SLC25A53: variants seen among roughly 807,000 people sequenced by gnomAD.
SLC25A53 encodes the protein solute carrier family 25 member 53.
Under a neutral mutation model 15.0 loss-of-function variants are expected in SLC25A53, and 5 were observed. The ratio of observed to expected loss-of-function variants is 0.33; its 90% CI spans 0.17 to 0.70. SLC25A53 has a LOEUF of 0.70. Ranked by LOEUF, SLC25A53 falls within the 30% of genes least tolerant of loss-of-function variation. SLC25A53 has a pLI of 0.67. For missense variants in SLC25A53, 216 were observed against 241.6 expected (o/e 0.89, Z 0.70); for synonymous variants, 95 against 100.0 (o/e 0.95, Z 0.30).
Position 104,104,603 on chromosome X carries a change from TACCAGACACC to T in SLC25A53, c.645_654del (p.Gly218MetfsTer7). On this transcript the variant is annotated frameshift_variant, in exon 2 of 2. Coordinates refer to ENST00000594199, the MANE Select transcript of SLC25A53 (RefSeq NM_001012755.5). LOFTEE classifies it high-confidence loss of function. ...AGGCAGGTGATTGTTCCATTGACAC[TACCAGACACC>T]AAGGCAGGAACCCAGTGGGGCAGGC... 1 of 1,211,657 alleles carries T rather than the reference TACCAGACACC, an allele frequency of 8.3e-7. No individual in the cohort carries two copies. Among genetic ancestry groups the T allele is most frequent in the Non-Finnish European group, 1.1e-6 (1 of 895,454 alleles).
At chrX:104,116,321 G>A (rs1320648151) in intron 1 of SLC25A53, among the ~76,000 whole-genome samples, 1 of 111,226 alleles carries the variant, frequency 9.0e-6, no homozygotes, top group African/African-American at 3.3e-5. Flanking sequence ...AACTGGCAAG[G>A]AGCAGGGGGG....
chrX:104,143,840 C>A (rs2075458085), intron 1 of SLC25A53, among the ~76,000 whole-genome samples: 1 of 111,361 alleles, frequency 9.0e-6, no homozygotes, highest in African/African-American at 3.3e-5. Flanking sequence ...ATGTTAAGGG[C>A]AGCCAGAGAG....
chrX:104,131,104 G>A (rs936386662), intron 1 of SLC25A53: 14 of 111,424 alleles, frequency 1.3e-4, no homozygotes, highest in African/African-American at 4.6e-4. Flanking sequence ...TATGTGTGGC[G>A]CATTGGTGGG....
intron 1 of SLC25A53, chrX:104,114,420 G>A (rs782340726): frequency 1.1e-4 from 131 of 1,210,033 alleles, no homozygotes; most frequent in Non-Finnish European, 1.4e-4. Context: ...TGCTTCAGGC[G>A]GCCAACCCCA....
At chrX:104,119,772 C>G (rs1299400767) in intron 1 of SLC25A53, among the ~76,000 whole-genome samples, 1 of 111,608 alleles carries the variant, frequency 9.0e-6, no homozygotes, top group African/African-American at 3.3e-5. Flanking sequence ...CCATAAAGAT[C>G]AAGAAACAGA....
intron 1 of SLC25A53, among the ~76,000 whole-genome samples, chrX:104,106,141 T>A (rs1191070871): frequency 9.0e-6 from 1 of 110,886 alleles, no homozygotes; most frequent in Non-Finnish European, 1.9e-5. Flanking sequence ...AAATGTCCCC[T>A]GGGAGGCAAA....
At chrX:104,121,908 T>C (rs1477302973) in intron 1 of SLC25A53, among the ~76,000 whole-genome samples, 5 of 33,543 alleles carry the variant, frequency 1.5e-4, no homozygotes, top group Non-Finnish European at 3.0e-4. Flanking sequence ...TATATATATA[T>C]ATATATATAT....
intron 1 of SLC25A53, among the ~76,000 whole-genome samples, chrX:104,143,617 C>T (rs989823855): frequency 8.9e-5 from 10 of 111,892 alleles, no homozygotes; most frequent in Non-Finnish European, 1.5e-4. Context: ...AAGACCAAAT[C>T]TACGTTTGAT....
chrX:104,153,138 T>G (rs995268284), intron 1 of SLC25A53, among the ~76,000 whole-genome samples: 1 of 111,251 alleles, frequency 9.0e-6, no homozygotes, highest in African/African-American at 3.3e-5. Flanking sequence ...ATAAAATGAT[T>G]TCAGTCACAC....
In SLC25A53 at chrX:104,129,860, ATGTGTGTGTGTGTGTGTGTGTGTG is replaced by A. The variant is rs60729916; in HGVS notation, c.-31-24596_-31-24573del. On this transcript the variant is annotated intron_variant, in intron 1 of 1. Coordinates refer to ENST00000594199, the MANE Select transcript of SLC25A53 (RefSeq NM_001012755.5). Reference sequence around the variant, plus strand: ...AACACATATATATCCACACAAATGTATGTGTGTGTGTGTGTGTGTGTGTGTGTGTGTGTGTGCCATTCAAATGAT... The same window carrying A: ...AACACATATATATCCACACAAATGTATGTGTGTGTGTGCCATTCAAATGAT... Among the ~76,000 whole-genome samples the A allele has an allele frequency of 1.1e-4, 10 of 89,994 alleles. No individual in the cohort carries two copies. In the Admixed American group the frequency reaches 1.3e-3, roughly 12 times the overall value. The allele number at this position is 89,994 out of a possible 115,157, so 78.1% of individuals were successfully genotyped here.
Position 104,135,352 on chromosome X carries a change from C to A in SLC25A53, c.-32+21526G>T, listed in dbSNP as rs180749455. 2.6e-3 allele frequency among the ~76,000 whole-genome samples: 287 copies of A among 109,537 alleles called. 1 individual carries two copies. The highest frequency in any genetic ancestry group is 9.2e-3 in the African/African-American group (276 of 30,027). On this transcript the variant is annotated intron_variant, in intron 1 of 1. Coordinates refer to ENST00000594199, the MANE Select transcript of SLC25A53 (RefSeq NM_001012755.5). The stretch of plus-strand genomic sequence containing the variant: ...TTTCCTGAGTTTTGGTTTCACACAT[C>A]CTGATATATCACACCCCCTGAATAG...
Position 104,120,417 on chromosome X carries a change from C to G in SLC25A53, c.-31-15129G>C, listed in dbSNP as rs782445498. ...CATAACTTTTGCTTGAGGTTTTGTA[C>G]GTCTATTATTACATTTAGTTCAAGG... On this transcript the variant is annotated intron_variant, in intron 1 of 1. Coordinates refer to ENST00000594199, the MANE Select transcript of SLC25A53 (RefSeq NM_001012755.5). 2.7e-5 allele frequency among the ~76,000 whole-genome samples: 3 copies of G among 111,874 alleles called. No individual in the cohort carries two copies. In the Admixed American group the frequency reaches 2.8e-4, roughly 11 times the overall value.
intron 1 of SLC25A53, chrX:104,115,345 G>A: frequency 1.8e-6 from 2 of 1,133,336 alleles, no homozygotes; most frequent in Non-Finnish European, 2.3e-6. Flanking sequence ...AGCCCTAAAT[G>A]AGTCCTTGAC....
chrX:104,142,418 G>A (rs2075453274), intron 1 of SLC25A53, among the ~76,000 whole-genome samples: 1 of 112,009 alleles, frequency 8.9e-6, no homozygotes, highest in Non-Finnish European at 1.9e-5. Context: ...CGTCTTCACA[G>A]TTTCAACACT....
At chrX:104,139,798 G>C (rs1235900662) in intron 1 of SLC25A53, among the ~76,000 whole-genome samples, 1 of 112,344 alleles carries the variant, frequency 8.9e-6, no homozygotes, top group African/African-American at 3.2e-5. Context: ...TGGCGACAGA[G>C]CAAGACTCTG....
intron 1 of SLC25A53, among the ~76,000 whole-genome samples, chrX:104,147,314 A>C (rs2075470786): frequency 9.0e-6 from 1 of 111,419 alleles, no homozygotes; most frequent in South Asian, 3.8e-4. Flanking sequence ...AAGATGGATT[A>C]AAGACTTAAA....
At chrX:104,126,817 C>T (rs1273660440) in intron 1 of SLC25A53, among the ~76,000 whole-genome samples, 1 of 112,039 alleles carries the variant, frequency 8.9e-6, no homozygotes, top group Non-Finnish European at 1.9e-5. Flanking sequence ...TATCATTGTA[C>T]ACCTATAAGA....
intron 1 of SLC25A53, among the ~76,000 whole-genome samples, chrX:104,108,846 A>G (rs1466891337): frequency 1.2e-4 from 13 of 112,030 alleles, no homozygotes; most frequent in Non-Finnish European, 2.3e-4. Flanking sequence ...TGTATTGATC[A>G]TCCACTAAAT....
chrX:104,148,134 A>T lies in SLC25A53; in HGVS notation c.-32+8744T>A, dbSNP rs1324967442. Among the ~76,000 whole-genome samples the T allele has an allele frequency of 5.5e-5, 6 of 109,885 alleles. No individual in the cohort carries two copies. The Admixed American group carries it at 5.8e-4, about 11-fold the overall frequency. ...TACTATGCAGCCATAAAAAATGATG[A>T]GTTCATGTCCTTTGTAGGGACATGG... is the stretch of plus-strand genomic sequence containing the variant. On this transcript the variant is annotated intron_variant, in intron 1 of 1. Coordinates refer to ENST00000594199, the MANE Select transcript of SLC25A53 (RefSeq NM_001012755.5).
Sources: gnomAD v4.1 joint callset for allele counts (sites outside exome capture counted in the v4.1 genomes callset) on GRCh38, gnomAD v4.1.1 for gene constraint, MANE v1.5 for transcripts, NCBI Gene and HGNC (gene_info 2026-07-23, HGNC 2026-07-21) for gene names.